The following IPMK variants were observed in gnomAD, a reference collection of about 807,000 sequenced individuals.
The protein encoded by IPMK is inositol polyphosphate multikinase, also known as inositol 1,3,4,6-tetrakisphosphate 5-kinase.
Under a neutral mutation model 45.8 loss-of-function variants are expected in IPMK, and 17 were observed. The observed-to-expected ratio is 0.37, with a 90% CI of 0.25 to 0.56. IPMK has a LOEUF of 0.56. Among genes scored for constraint, IPMK ranks in the 20% least tolerant of loss-of-function variants. The pLI, the probability that IPMK is intolerant of heterozygous loss-of-function variation, is 0.79. For missense variants in IPMK, 399 were observed against 498.0 expected (o/e 0.80, Z 1.89); for synonymous variants, 180 against 184.3 (o/e 0.98, Z 0.19).
In IPMK at chr10:58,196,125, T is replaced by G. The variant is rs1239530005; in HGVS notation, c.1202A>C (p.Tyr401Ser). The change falls in exon 6 of 6, where the codon TAT becomes TCT. Residue 401 changes from tyrosine (Y) to serine (S), a missense_variant. Tyr to Ser is a moderately radical substitution (Grantham distance 144, BLOSUM62 -2). Around this residue, in one of 2 missense-constraint regions of IPMK, gnomAD observed 288 missense variants for 398.0 expected, o/e 0.72. Transcript: ENST00000373935. ...TACAGAAATTAAATGCTTTAGCCCA[T>G]AAACATATCCCTCATCTATTGTGTT... ...PSNTIDEGYVYGLKHLISVLR... is the reference protein window; with the variant it reads ...PSNTIDEGYVSGLKHLISVLR... 6.2e-7 allele frequency: 1 copy of G among 1,613,768 alleles called. No individual in the cohort carries two copies.
intron 3 of IPMK, among the ~76,000 whole-genome samples, chr10:58,216,528 G>A (rs1232225946): frequency 6.6e-6 from 1 of 150,504 alleles, no homozygotes; most frequent in African/African-American, 2.4e-5. Context: ...TCTTGCAGGA[G>A]GTGAATTAAA....
At chr10:58,198,514 T>G (rs958585260) in intron 5 of IPMK, among the ~76,000 whole-genome samples, 2 of 152,234 alleles carry the variant, frequency 1.3e-5, no homozygotes, top group African/African-American at 4.8e-5. Flanking sequence ...GTTGATTAAG[T>G]ACTCCAAAGC....
At chr10:58,200,546 T>C (rs2132143244) in intron 4 of IPMK, among the ~76,000 whole-genome samples, 1 of 152,310 alleles carries the variant, frequency 6.6e-6, no homozygotes, top group East Asian at 1.9e-4. Context: ...TCCTACCAGA[T>C]ATTAAAACAC....
intron 1 of IPMK, among the ~76,000 whole-genome samples, chr10:58,247,820 T>A (rs1291637159): frequency 6.6e-6 from 1 of 151,948 alleles, no homozygotes; most frequent in Non-Finnish European, 1.5e-5. Context: ...AATAAATAAA[T>A]AAAAAAGAAT....
intron 1 of IPMK, 152 bp downstream of exon 1, chr10:58,267,270 C>T (rs2132271820): frequency 1.4e-6 from 1 of 719,982 alleles, no homozygotes; most frequent in Non-Finnish European, 2.3e-6. Context: ...GCTCGAGTGG[C>T]GAGGCTTCGG....
At chr10:58,245,671 T>C (rs967045627) in intron 1 of IPMK, among the ~76,000 whole-genome samples, 2 of 151,184 alleles carry the variant, frequency 1.3e-5, no homozygotes, top group African/African-American at 4.9e-5. Context: ...ATAAGAGTTA[T>C]CTATGACAAA....
At chr10:58,244,473 C>T (rs138919668) in intron 1 of IPMK, among the ~76,000 whole-genome samples, 4 of 103,186 alleles carry the variant, frequency 3.9e-5, no homozygotes, top group African/African-American at 1.1e-4. Flanking sequence ...GCCGCCGCCC[C>T]GTCTGGGAAG....
At chr10:58,247,613 C>T (rs998330677) in intron 1 of IPMK, among the ~76,000 whole-genome samples, 1 of 128,108 alleles carries the variant, frequency 7.8e-6, no homozygotes, top group African/African-American at 4.0e-5. Flanking sequence ...AATGAGAACA[C>T]ATGGACACAG....
At chr10:58,216,069 T>C in intron 4 of IPMK, 76 bp downstream of exon 4, 3 of 925,494 alleles carry the variant, frequency 3.2e-6, no homozygotes, top group South Asian at 2.8e-5. Context: ...ATATTAGTAC[T>C]ACAATGACAT....
chr10:58,247,824 A>T (rs1366659638), intron 1 of IPMK, among the ~76,000 whole-genome samples: 1 of 152,228 alleles, frequency 6.6e-6, no homozygotes, highest in African/African-American at 2.4e-5. Flanking sequence ...AATAAATAAA[A>T]AAGAATTAGA....
At chr10:58,232,902 A>G (rs1838547001) in intron 2 of IPMK, among the ~76,000 whole-genome samples, 1 of 152,218 alleles carries the variant, frequency 6.6e-6, no homozygotes, top group Non-Finnish European at 1.5e-5. Flanking sequence ...TGGTTTTTTG[A>G]AAAGATCAAC....
chr10:58,250,029 G>A (rs893858796), intron 1 of IPMK, among the ~76,000 whole-genome samples: 7 of 152,192 alleles, frequency 4.6e-5, no homozygotes, highest in South Asian at 4.1e-4. Flanking sequence ...TCACTATTAC[G>A]TTCCATTAGA....
intron 4 of IPMK, among the ~76,000 whole-genome samples, chr10:58,215,450 C>T (rs1339448743): frequency 6.7e-6 from 1 of 150,264 alleles, no homozygotes; most frequent in Non-Finnish European, 1.5e-5. Context: ...ACTTTGTCAC[C>T]CAGGCTGGAG....
intron 1 of IPMK, among the ~76,000 whole-genome samples, chr10:58,259,449 A>C (rs560721017): frequency 6.8e-4 from 99 of 145,426 alleles, no homozygotes; most frequent in Non-Finnish European, 1.2e-3. Context: ...TTTGAAAAAA[A>C]TCCACCTTAA....
chr10:58,211,031 T>C (rs967394038), intron 4 of IPMK, among the ~76,000 whole-genome samples: 2 of 152,168 alleles, frequency 1.3e-5, no homozygotes, highest in Non-Finnish European at 2.9e-5. Context: ...TGATTAGATA[T>C]ACATTCTACA....
rs1461432705 is a variant in IPMK at position 58,261,942 on chromosome 10, A to G, written c.190+5480T>C. 3.9e-5 allele frequency among the ~76,000 whole-genome samples: 6 copies of G among 152,044 alleles called. No individual in the cohort carries two copies. The East Asian group carries it at 1.2e-3, about 29-fold the overall frequency. On this transcript the variant is annotated intron_variant, in intron 1 of 5. Coordinates refer to ENST00000373935, the MANE Select transcript of IPMK (RefSeq NM_152230.5). ...GAATTCATGAGTTGATGTCCTTTGT[A>G]GCGACATGGATGAAACTGGAAACCA... is the stretch of plus-strand genomic sequence containing the variant.
chr10:58,255,646 T>TC (rs1491288860), intron 1 of IPMK, among the ~76,000 whole-genome samples: 1 of 152,076 alleles, frequency 6.6e-6, no homozygotes, highest in Non-Finnish European at 1.5e-5. Flanking sequence ...AATTTATATT[T>TC]CTTTTTTTTT....
At chr10:58,217,688 CAAAAAAAA>C (rs11393849) in intron 3 of IPMK, among the ~76,000 whole-genome samples, 1 of 49,264 alleles carries the variant, frequency 2.0e-5, no homozygotes, top group African/African-American at 9.4e-5. Context: ...AACTCCATCT[CAAAAAAAA>C]AAAAAAAAAA....
intron 4 of IPMK, among the ~76,000 whole-genome samples, chr10:58,204,716 G>C (rs1838047426): frequency 6.6e-6 from 1 of 152,068 alleles, no homozygotes; most frequent in South Asian, 2.1e-4. Context: ...GATTGCTTGA[G>C]CCCAGCAGTT....
Sources: allele counts gnomAD v4.1 joint callset (sites outside exome capture counted in the v4.1 genomes callset), GRCh38; gene constraint gnomAD v4.1.1; regional missense constraint gnomAD v4.1.1; transcripts MANE v1.5; gene names NCBI Gene and HGNC (gene_info 2026-07-23, HGNC 2026-07-21).